NCK2: variants seen among roughly 807,000 people sequenced by gnomAD.
The protein encoded by NCK2 is cytoplasmic protein NCK2.
NCK2 carries 16 observed loss-of-function variants against 33.9 expected under a neutral mutation model. That is an observed-to-expected ratio of 0.47 (90% CI 0.32 to 0.72). The LOEUF is 0.72. Among genes scored for constraint, NCK2 ranks in the 30% least tolerant of loss-of-function variants. The pLI, the probability that NCK2 is intolerant of heterozygous loss-of-function variation, is 0.03. For synonymous variants in NCK2, 273 were observed against 239.9 expected, an observed-to-expected ratio of 1.14 and a Z score of -1.27; for missense variants, 418 against 537.3, an observed-to-expected ratio of 0.78 and a Z score of 2.19.
At chr2:105,852,008 A>G (rs1677087524) in intron 2 of NCK2, 1 of 151,764 alleles carries the variant, frequency 6.6e-6, no homozygotes, top group Non-Finnish European at 1.5e-5. Context: ...GTCATTTCCT[A>G]GTTGTATGGG....
chr2:105,767,886 A>G (rs1295595347), intron 1 of NCK2, among the ~76,000 whole-genome samples: 1 of 152,036 alleles, frequency 6.6e-6, no homozygotes, highest in African/African-American at 2.4e-5. Flanking sequence ...AATAAATACT[A>G]ATTCCTTCCC....
chr2:105,873,824 C>A (rs1485790756), intron 3 of NCK2, among the ~76,000 whole-genome samples: 1 of 152,222 alleles, frequency 6.6e-6, no homozygotes, highest in South Asian at 2.1e-4. Context: ...TCCCTGCTCA[C>A]CTCTGCCCTT....
chr2:105,756,749 G>T (rs532811692), intron 1 of NCK2, among the ~76,000 whole-genome samples: 1 of 152,294 alleles, frequency 6.6e-6, no homozygotes, highest in Admixed American at 6.5e-5. Context: ...TTGCCTTCAC[G>T]CAGTGACTGC....
At chr2:105,807,342 G>C (rs1675087279) in intron 1 of NCK2, among the ~76,000 whole-genome samples, 2 of 152,192 alleles carry the variant, frequency 1.3e-5, no homozygotes. Context: ...AAGGTTTTGA[G>C]GTTTCTGATT....
chr2:105,872,243 G>T (rs1678044928), intron 3 of NCK2, among the ~76,000 whole-genome samples: 1 of 152,160 alleles, frequency 6.6e-6, no homozygotes, highest in South Asian at 2.1e-4. Flanking sequence ...AGCTGAAGGT[G>T]CCTGCTGCTG....
At chr2:105,850,522 C>T (rs1258881221) in intron 2 of NCK2, among the ~76,000 whole-genome samples, 1 of 152,172 alleles carries the variant, frequency 6.6e-6, no homozygotes, top group Non-Finnish European at 1.5e-5. Flanking sequence ...AGAGTGGTCA[C>T]ATGACATACA....
intron 1 of NCK2, among the ~76,000 whole-genome samples, chr2:105,810,455 GCA>G (rs1236128793): frequency 1.3e-5 from 2 of 152,110 alleles, no homozygotes; most frequent in Non-Finnish European, 2.9e-5. Flanking sequence ...AGGGGGGTTT[GCA>G]CAGTTTTTAT....
At chr2:105,783,404 C>T (rs925511522) in intron 1 of NCK2, among the ~76,000 whole-genome samples, 13 of 152,094 alleles carry the variant, frequency 8.5e-5, no homozygotes, top group Admixed American at 7.2e-4. Flanking sequence ...GGGGTAGCAC[C>T]GTGAAGGCCC....
rs754330998 is a variant in NCK2, at chr2:105,881,649, G to A, written c.548G>A (p.Arg183His). Residue 183 changes from arginine to histidine, a missense_variant, in exon 4 of 5, where the codon CGC becomes CAC. By Grantham distance (29) the Arg-to-His change is conservative. Coordinates refer to ENST00000233154, the MANE Select transcript of NCK2 (RefSeq NM_003581.5). The stretch of plus-strand genomic sequence containing the variant: ...GAGTCCCCAAGCTTCCTGAGCCTGC[G>A]CAAGGGCGCCTCGCTGAGCAATGGC... ...AAESPSFLSL[R>H]KGASLSNGQG... The A allele has an allele frequency of 1.5e-5, 24 of 1,613,242 alleles. No individual in the cohort carries two copies. Among genetic ancestry groups the A allele is most frequent in the Admixed American group, 1.3e-4 (8 of 60,006 alleles).
chr2:105,794,331 C>T (rs1201882560), intron 1 of NCK2, among the ~76,000 whole-genome samples: 1 of 152,160 alleles, frequency 6.6e-6, no homozygotes, highest in Non-Finnish European at 1.5e-5. Flanking sequence ...GGATTACAGG[C>T]ATGCGCCACC....
chr2:105,884,827 C>G (rs1678658357), intron 4 of NCK2, among the ~76,000 whole-genome samples: 1 of 152,200 alleles, frequency 6.6e-6, no homozygotes, highest in African/African-American at 2.4e-5. Context: ...CCTCTCTCAT[C>G]TACAATTGTC....
At chr2:105,821,832 C>T (rs1198853705) in intron 2 of NCK2, among the ~76,000 whole-genome samples, 1 of 140,546 alleles carries the variant, frequency 7.1e-6, no homozygotes, top group African/African-American at 2.6e-5. Context: ...GGAGAGTCCC[C>T]TTAACCTCTC....
chr2:105,827,848 T>C (rs1177679011), intron 2 of NCK2, among the ~76,000 whole-genome samples: 2 of 152,176 alleles, frequency 1.3e-5, no homozygotes, highest in Non-Finnish European at 2.9e-5. Flanking sequence ...CAAGGGATAA[T>C]GTCAGAGAGA....
intron 1 of NCK2, among the ~76,000 whole-genome samples, chr2:105,764,667 G>A (rs1384815355): frequency 1.3e-5 from 2 of 152,086 alleles, no homozygotes; most frequent in Non-Finnish European, 1.5e-5. Context: ...GCTTTTTCTT[G>A]GTGTGAATTT....
intron 2 of NCK2, among the ~76,000 whole-genome samples, chr2:105,835,922 C>T (rs1208113884): frequency 2.6e-5 from 4 of 151,304 alleles, no homozygotes; most frequent in Admixed American, 2.6e-4. Context: ...CTTTTTGAGG[C>T]TCTCAATTTT....
intron 1 of NCK2, among the ~76,000 whole-genome samples, chr2:105,814,054 T>C (rs1462739635): frequency 6.6e-6 from 1 of 152,248 alleles, no homozygotes; most frequent in Non-Finnish European, 1.5e-5. Flanking sequence ...GGTGTTTATC[T>C]TTCAGGCTGA....
chr2:105,863,628 C>G (rs530571898), intron 3 of NCK2, among the ~76,000 whole-genome samples: 1 of 152,246 alleles, frequency 6.6e-6, no homozygotes, highest in East Asian at 1.9e-4. Context: ...ATAATACTGG[C>G]ACAAGATGGA....
chr2:105,800,715 G>A (rs769566058), intron 1 of NCK2, among the ~76,000 whole-genome samples: 8 of 152,138 alleles, frequency 5.3e-5, no homozygotes, highest in Non-Finnish European at 1.2e-4. Context: ...AGTTGCAGGA[G>A]CACAGTTGAT....
At chr2:105,754,404 G>A (rs548794739) in intron 1 of NCK2, among the ~76,000 whole-genome samples, 36 of 152,250 alleles carry the variant, frequency 2.4e-4, no homozygotes, top group Admixed American at 9.2e-4. Flanking sequence ...TGTCTCCTTC[G>A]ATTTTCCTTA....
Sources: allele counts gnomAD v4.1 joint callset (sites outside exome capture counted in the v4.1 genomes callset), GRCh38; gene constraint gnomAD v4.1.1; transcripts MANE v1.5; gene names NCBI Gene and HGNC (gene_info 2026-07-23, HGNC 2026-07-21).